The following NUDC variants were observed in gnomAD, a reference collection of about 807,000 sequenced individuals.
NUDC encodes the protein nuclear distribution C, dynein complex regulator, also known as nuclear migration protein nudC.
Under a neutral mutation model 45.0 loss-of-function variants are expected in NUDC, and 14 were observed. The ratio of observed to expected loss-of-function variants is 0.31; its 90% CI spans 0.21 to 0.49. The LOEUF is 0.49. Ranked by LOEUF, NUDC falls within the 20% of genes least tolerant of loss-of-function variation. NUDC has a pLI of 0.99. For synonymous variants in NUDC, 153 were observed against 156.7 expected, an observed-to-expected ratio of 0.98 and a Z score of 0.17; for missense variants, 323 against 426.2, an observed-to-expected ratio of 0.76 and a Z score of 2.13.
At chr1:26,944,964 C>T (rs1037924046) in intron 6 of NUDC, among the ~76,000 whole-genome samples, 2 of 152,160 alleles carry the variant, frequency 1.3e-5, no homozygotes, top group African/African-American at 4.8e-5. Context: ...ATTGCTTGAA[C>T]CCGGGAGGCA....
At chr1:26,908,190 AG>A (rs199750945) in intron 2 of NUDC, among the ~76,000 whole-genome samples, 52 of 151,200 alleles carry the variant, frequency 3.4e-4, no homozygotes, top group African/African-American at 6.3e-4. Flanking sequence ...AAAAAAAAAA[AG>A]AGTCTTAGCA....
At chr1:26,935,293 T>C (rs893662321) in intron 2 of NUDC, among the ~76,000 whole-genome samples, 1 of 152,122 alleles carries the variant, frequency 6.6e-6, no homozygotes, top group Non-Finnish European at 1.5e-5. Context: ...GTAAACCTCT[T>C]TTCTTTATAA....
intron 2 of NUDC, among the ~76,000 whole-genome samples, chr1:26,929,899 C>G (rs1287472585): frequency 6.6e-6 from 1 of 152,034 alleles, no homozygotes; most frequent in Non-Finnish European, 1.5e-5. Flanking sequence ...TGGTAGGCGC[C>G]TGTAATCCCA....
intron 2 of NUDC, among the ~76,000 whole-genome samples, chr1:26,907,006 ATCT>A (rs771780315): frequency 8.5e-5 from 13 of 152,056 alleles, no homozygotes; most frequent in Non-Finnish European, 1.9e-4. Flanking sequence ...CTCCCCTGAG[ATCT>A]TAGCATTGTC....
chr1:26,926,096 A>G (rs997879812), intron 2 of NUDC, among the ~76,000 whole-genome samples: 16 of 151,014 alleles, frequency 1.1e-4, no homozygotes, highest in Admixed American at 8.6e-4. Context: ...GGCTCACTGC[A>G]ATGTCTGCCT....
rs1325226626 is a variant in NUDC at position 26,942,578 on chromosome 1, T to C, written c.430-82T>C. On this transcript the variant is annotated intron_variant, in intron 4 of 8. Coordinates refer to ENST00000321265, the MANE Select transcript of NUDC (RefSeq NM_006600.4). ...TCTTTTGTGGCTGTATGCCCAGTGC[T>C]AGCCCTGGGCTTGGCCCAGTGAGGG... 8.2e-6 allele frequency: 13 copies of C among 1,593,082 alleles called. No individual in the cohort carries two copies. In the South Asian group the frequency reaches 1.2e-4, roughly 15 times the overall value.
chr1:26,906,914 T>C (rs1007065644), intron 2 of NUDC, among the ~76,000 whole-genome samples: 20 of 152,170 alleles, frequency 1.3e-4, no homozygotes, highest in African/African-American at 4.8e-4. Context: ...GTTTAGTAGC[T>C]ACCCAGAGTG....
At chr1:26,916,927 C>T (rs1431108650), upstream of NUDC, among the ~76,000 whole-genome samples, 1 of 151,546 alleles carries the variant, frequency 6.6e-6, no homozygotes, top group Non-Finnish European at 1.5e-5. Flanking sequence ...TGCACTCTAG[C>T]CTGGGCAACA....
At chr1:26,920,723 CTT>C (rs2082085117), upstream of NUDC, among the ~76,000 whole-genome samples, 1 of 150,712 alleles carries the variant, frequency 6.6e-6, no homozygotes. Context: ...GGGTTTGAGA[CTT>C]AGCCTGGGCA....
rs371774216 is a variant in NUDC, at chr1:26,914,250, G to T, written c.93+3015G>T. ...CAGATGACTCAAGTGGATAAACAAG[G>T]TCATTAACTCAGGCTGTACCAGGGC... On this transcript the variant is annotated intron_variant, in intron 3 of 6. Coordinates refer to the NUDC transcript ENST00000435827. 4.1e-4 allele frequency among the ~76,000 whole-genome samples: 63 copies of T among 152,308 alleles called. 2 individuals carry two copies. In the South Asian group the frequency reaches 0.013, roughly 31 times the overall value.
chr1:26,913,498 C>T, intron 3 of NUDC: 4 of 1,613,624 alleles, frequency 2.5e-6, no homozygotes, highest in East Asian at 2.2e-5. Flanking sequence ...GCATTGAAGC[C>T]ACTGCACCGC....
intron 2 of NUDC, among the ~76,000 whole-genome samples, chr1:26,940,653 G>A (rs2082268821): frequency 1.3e-5 from 2 of 152,126 alleles, no homozygotes; most frequent in South Asian, 4.1e-4. Flanking sequence ...GAGGGACTGA[G>A]GCTTGAGTTT....
At chr1:26,918,481 G>T (rs2082073282), upstream of NUDC, among the ~76,000 whole-genome samples, 1 of 151,444 alleles carries the variant, frequency 6.6e-6, no homozygotes. Flanking sequence ...TTACCATTTT[G>T]GCCAGGCTGG....
chr1:26,942,525 G>C lies in NUDC; in HGVS notation c.430-135G>C, dbSNP rs990199035. 18 of 1,283,974 alleles carry C rather than the reference G, an allele frequency of 1.4e-5. No individual in the cohort carries two copies. In the Admixed American group the frequency reaches 3.2e-4, roughly 23 times the overall value. 79.5% of individuals were successfully genotyped at this position (1,283,974 alleles called of 1,614,324 possible). A position where few individuals can be genotyped will look rare whatever the true frequency, so the allele number is the denominator to read the frequency against. Reference sequence around the variant, plus strand: ...CCAAGGCTTGGGGGTCTGCCCCTCTGTGGAGTGGGCAGGGACCAGGTCTGT... The same window carrying C: ...CCAAGGCTTGGGGGTCTGCCCCTCTCTGGAGTGGGCAGGGACCAGGTCTGT... On this transcript the variant is annotated intron_variant, in intron 4 of 8. Coordinates refer to ENST00000321265, the MANE Select transcript of NUDC (RefSeq NM_006600.4).
intron 2 of NUDC, among the ~76,000 whole-genome samples, chr1:26,927,460 C>T (rs2082143841): frequency 6.8e-6 from 1 of 147,968 alleles, no homozygotes; most frequent in Non-Finnish European, 1.5e-5. Flanking sequence ...AGCAGTGGAG[C>T]GATCTCAGCT....
chr1:26,941,886 T>G, intron 4 of NUDC, 68 bp downstream of exon 4: 1 of 1,460,964 alleles, frequency 6.8e-7, no homozygotes, highest in South Asian at 1.2e-5. Flanking sequence ...TCCTGCCTAC[T>G]GCTTTCTCTG....
intron 2 of NUDC, among the ~76,000 whole-genome samples, chr1:26,931,744 T>A (rs2082185700): frequency 6.7e-6 from 1 of 149,056 alleles, no homozygotes. Flanking sequence ...GCCACTGCAC[T>A]CCAGCCTGGC....
intron 2 of NUDC, among the ~76,000 whole-genome samples, chr1:26,931,631 T>A (rs2082184780): frequency 6.7e-6 from 1 of 149,642 alleles, no homozygotes; most frequent in Non-Finnish European, 1.5e-5. Context: ...ATACAAAAAT[T>A]AGCCGGGCAT....
At chr1:26,915,004 TG>T (rs2082054226) in intron 3 of NUDC, among the ~76,000 whole-genome samples, 3 of 147,714 alleles carry the variant, frequency 2.0e-5, no homozygotes, top group East Asian at 2.0e-4. Flanking sequence ...TATATGTATA[TG>T]TATATGTATA....
Sources: gnomAD v4.1 joint callset for allele counts (sites outside exome capture counted in the v4.1 genomes callset) on GRCh38, gnomAD v4.1.1 for gene constraint, MANE v1.5 for transcripts, NCBI Gene and HGNC (gene_info 2026-07-23, HGNC 2026-07-21) for gene names.